PIK3CA: variants seen among roughly 807,000 people sequenced by gnomAD.
PIK3CA encodes phosphatidylinositol 4,5-bisphosphate 3-kinase catalytic subunit alpha isoform.
Under a neutral mutation model 138.2 loss-of-function variants are expected in PIK3CA, and 27 were observed. The observed-to-expected ratio is 0.20, with a 90% confidence interval of 0.14 to 0.27. PIK3CA has a LOEUF of 0.27. PIK3CA is among the 10% of genes least tolerant of loss of function. The pLI, the probability that PIK3CA is intolerant of heterozygous loss-of-function variation, is 1.00. For synonymous variants in PIK3CA, 358 were observed against 413.2 expected, an observed-to-expected ratio of 0.87 and a Z score of 1.62; for missense variants, 544 against 1,277.4, an observed-to-expected ratio of 0.43 and a Z score of 8.75.
At chr3:179,176,947 G>A (rs980267800) in intron 1 of PIK3CA, among the ~76,000 whole-genome samples, 1 of 152,152 alleles carries the variant, frequency 6.6e-6, no homozygotes, top group Admixed American at 6.5e-5. Flanking sequence ...AGCTGTCTTT[G>A]CAGTTACTAG....
chr3:179,184,165 T>C (rs1057497496), intron 1 of PIK3CA, among the ~76,000 whole-genome samples: 2 of 152,242 alleles, frequency 1.3e-5, no homozygotes, highest in African/African-American at 4.8e-5. Flanking sequence ...ACCAGCAGGC[T>C]GTTTTCCTGC....
chr3:179,209,935 A>G (rs1021277674), intron 7 of PIK3CA, among the ~76,000 whole-genome samples: 1 of 152,194 alleles, frequency 6.6e-6, no homozygotes, highest in African/African-American at 2.4e-5. Context: ...CAAAGTGACT[A>G]TATAACAGGG....
intron 1 of PIK3CA, among the ~76,000 whole-genome samples, chr3:179,193,018 T>G (rs935881837): frequency 3.3e-5 from 5 of 152,208 alleles, no homozygotes; most frequent in Admixed American, 2.6e-4. Context: ...CTGATACTGT[T>G]TTTTACTCTT....
In PIK3CA at chr3:179,164,769, T is replaced by C. The variant is rs547103196; in HGVS notation, c.-77+16166T>C. On this transcript the variant is annotated intron_variant, in intron 1 of 20. Transcript: ENST00000263967. ...CTGTAATTCCAGCTACTCAGAAGGC[T>C]GAGGCAGAAGAATCACTTGAACCCA... Among the ~76,000 whole-genome samples the C allele has an allele frequency of 7.2e-5, 11 of 152,030 alleles. No individual in the cohort carries two copies. In the South Asian group the frequency reaches 2.3e-3, roughly 32 times the overall value.
intron 15 of PIK3CA, 54 bp from the exon 16 acceptor site, chr3:179,224,646 G>T (rs770091407): frequency 3.3e-6 from 4 of 1,205,700 alleles, no homozygotes; most frequent in Non-Finnish European, 4.6e-6. Context: ...TAAATTTCAG[G>T]GTAAAATAAT....
chr3:179,188,225 C>G (rs1560133471), intron 1 of PIK3CA, among the ~76,000 whole-genome samples: 1 of 152,164 alleles, frequency 6.6e-6, no homozygotes, highest in Admixed American at 6.5e-5. Flanking sequence ...TCCTTGGTTA[C>G]TCATTTGCTA....
intron 14 of PIK3CA, among the ~76,000 whole-genome samples, chr3:179,222,063 C>G (rs1284301941): frequency 1.3e-5 from 2 of 151,804 alleles, no homozygotes; most frequent in African/African-American, 2.4e-5. Context: ...TCAATCCAAT[C>G]CACCACATCC....
In PIK3CA at chr3:179,191,625, G is replaced by GTGTTT. The variant is rs138129264; in HGVS notation, c.-76-7103_-76-7099dup. Among the ~76,000 whole-genome samples, 985 of 152,086 alleles carry GTGTTT rather than the reference G, an allele frequency of 6.5e-3. 7 individuals carry two copies. The highest frequency in any genetic ancestry group is 9.6e-3 in the Non-Finnish European group (652 of 67,960). On this transcript the variant is annotated intron_variant, in intron 1 of 20. Coordinates refer to ENST00000263967, the MANE Select transcript of PIK3CA (RefSeq NM_006218.4). ...GATGTTTTAAAAACATAAGTATTTG[G>GTGTTT]TGTTTTGTTTTGTTTTGTTTTGTTT...
At chr3:179,173,431 T>TAAAAAAAA (rs1723614404) in intron 1 of PIK3CA, among the ~76,000 whole-genome samples, 1 of 136,362 alleles carries the variant, frequency 7.3e-6, no homozygotes, top group Non-Finnish European at 1.5e-5. Context: ...AAAAAAAACT[T>TAAAAAAAA]AGCCAGGTGT....
At chr3:179,205,546 C>T (rs1379648216) in intron 6 of PIK3CA, among the ~76,000 whole-genome samples, 3 of 152,174 alleles carry the variant, frequency 2.0e-5, no homozygotes, top group African/African-American at 7.2e-5. Flanking sequence ...GAGGCAGTTT[C>T]CTTCAAATCA....
chr3:179,160,033 T>G (rs1041046182), intron 1 of PIK3CA, among the ~76,000 whole-genome samples: 11 of 152,250 alleles, frequency 7.2e-5, no homozygotes, highest in Admixed American at 7.2e-4. Context: ...TCTGGGTGAG[T>G]TGGTGAGTGA....
At chr3:179,226,745 T>G (rs1437426167) in intron 17 of PIK3CA, among the ~76,000 whole-genome samples, 2 of 152,018 alleles carry the variant, frequency 1.3e-5, no homozygotes, top group Non-Finnish European at 2.9e-5. Context: ...ATTTTAAGAG[T>G]AGCTAGTATA....
intron 1 of PIK3CA, among the ~76,000 whole-genome samples, chr3:179,192,180 G>A (rs1724152790): frequency 1.3e-5 from 2 of 152,148 alleles, no homozygotes; most frequent in Non-Finnish European, 2.9e-5. Flanking sequence ...TAGCAAAAGG[G>A]CATATCCAAT....
intron 10 of PIK3CA, among the ~76,000 whole-genome samples, chr3:179,218,913 T>C (rs572813308): frequency 6.6e-6 from 1 of 152,200 alleles, no homozygotes; most frequent in East Asian, 1.9e-4. Flanking sequence ...AAGAGTGGTA[T>C]AACATATATT....
chr3:179,156,135 T>C (rs945717455), intron 1 of PIK3CA, among the ~76,000 whole-genome samples: 3 of 152,240 alleles, frequency 2.0e-5, no homozygotes, highest in African/African-American at 7.2e-5. Context: ...TCTGCCTGTT[T>C]ATAAATTTGC....
intron 1 of PIK3CA, among the ~76,000 whole-genome samples, chr3:179,171,707 A>G (rs546872785): frequency 3.3e-4 from 50 of 152,276 alleles, no homozygotes; most frequent in African/African-American, 1.2e-3. Context: ...AGAAAATCTA[A>G]ATAGACCTAT....
intron 1 of PIK3CA, among the ~76,000 whole-genome samples, chr3:179,164,567 T>C (rs1302235558): frequency 6.6e-6 from 1 of 152,182 alleles, no homozygotes; most frequent in East Asian, 1.9e-4. Context: ...CTTACCTAAG[T>C]TAGAAATTTG....
chr3:179,151,930 C>T (rs992543701), intron 1 of PIK3CA, among the ~76,000 whole-genome samples: 1 of 152,188 alleles, frequency 6.6e-6, no homozygotes, highest in Non-Finnish European at 1.5e-5. Flanking sequence ...TTGCCTATTT[C>T]TTTGTCCATA....
intron 6 of PIK3CA, among the ~76,000 whole-genome samples, chr3:179,207,335 A>G (rs192778883): frequency 1.3e-5 from 2 of 152,068 alleles, no homozygotes; most frequent in African/African-American, 4.8e-5. Flanking sequence ...GCATGTGTAT[A>G]TGTGTGTGTG....
Sources: gnomAD v4.1 joint callset for allele counts (sites outside exome capture counted in the v4.1 genomes callset) on GRCh38, gnomAD v4.1.1 for gene constraint, MANE v1.5 for transcripts, NCBI Gene and HGNC (gene_info 2026-07-23, HGNC 2026-07-21) for gene names.